Variants in RRP1 observed in about 807,000 individuals in gnomAD.
The protein encoded by RRP1 is ribosomal RNA processing 1.
In RRP1, 37 loss-of-function variants were observed where a neutral mutation model predicts 54.6. The ratio of observed to expected loss-of-function variants is 0.68; its 90% CI spans 0.52 to 0.89. RRP1 has a LOEUF of 0.89. RRP1 is among the 40% of genes least tolerant of loss of function. RRP1 has a pLI of 0.00. For missense variants in RRP1, 639 were observed against 612.5 expected (o/e 1.04, Z -0.46); for synonymous variants, 262 against 244.3 (o/e 1.07, Z -0.67).
Position 43,791,429 on chromosome 21 carries a change from C to T in RRP1, c.213C>T (p.Leu71=). 2 of 1,613,836 alleles carry T rather than the reference C, an allele frequency of 1.2e-6. No individual in the cohort carries two copies. The highest frequency in any genetic ancestry group is 2.2e-5 in the South Asian group (2 of 91,070). The change falls in exon 2 of 13, where the codon CTC becomes CTT. Residue 71 remains leucine, a synonymous_variant. Coordinates refer to ENST00000497547, the MANE Select transcript of RRP1 (RefSeq NM_003683.6). ...YCMWMQDKPL[L]QEELGRTISQ... ...TGTGGATGCAGGACAAGCCACTCCT[C>T]CAGGTGAGTGGGGGGAGCAGCAGAG...
chr21:43,790,656 C>G (rs1241137192), intron 1 of RRP1: 1 of 212,180 alleles, frequency 4.7e-6, no homozygotes, highest in Non-Finnish European at 9.7e-6. Flanking sequence ...GGCACGATTA[C>G]AGCTCACTGC....
Position 43,803,797 on chromosome 21 carries a change from AG to A in RRP1, c.*26del. The A allele has an allele frequency of 6.5e-7, 1 of 1,548,292 alleles. No individual in the cohort carries two copies. The highest frequency in any genetic ancestry group is 1.9e-5 in the Admixed American group (1 of 53,392). ...TGATGTGGCCGGGCCAAGGACAGGC[AG>A]GGAGGGAGGCCAGGCCTCGCTTGCA... is the stretch of plus-strand genomic sequence containing the variant. On this transcript the variant is annotated 3_prime_UTR_variant, in exon 13 of 13. Transcript: ENST00000497547.
intron 2 of RRP1, among the ~76,000 whole-genome samples, chr21:43,792,355 C>T (rs1373094127): frequency 2.0e-5 from 3 of 152,200 alleles, no homozygotes; most frequent in Non-Finnish European, 4.4e-5. Context: ...CTCCCACGTC[C>T]CTCTTTAACC....
chr21:43,797,385 C>T (rs373630108), intron 5 of RRP1, 37 bp from the exon 6 acceptor site: 32 of 1,584,644 alleles, frequency 2.0e-5, no homozygotes, highest in African/African-American at 1.2e-4. Context: ...TGGGGCTCAT[C>T]GAGGCTGCCT....
chr21:43,792,903 G>GT, intron 3 of RRP1, 174 bp downstream of exon 3: 2 of 648,400 alleles, frequency 3.1e-6, no homozygotes, highest in Non-Finnish European at 5.4e-6. Flanking sequence ...GCTGGTGTAA[G>GT]TATTCAACAT....
Position 43,803,498 on chromosome 21 carries a change from T to C in RRP1, c.1124-14T>C. The C allele has an allele frequency of 6.5e-7, 1 of 1,539,214 alleles. No homozygotes were observed. The highest frequency in any genetic ancestry group is 8.8e-7 in the Non-Finnish European group (1 of 1,137,906). ...TGGCATTCTCTGGCTCATGGGGTCT[T>C]GCTGTTTTGTCAGGGAAAGGTGAGA... On this transcript the variant is annotated splice_polypyrimidine_tract_variant and intron_variant, in intron 12 of 12. Coordinates refer to ENST00000497547, the MANE Select transcript of RRP1 (RefSeq NM_003683.6).
intron 3 of RRP1, chr21:43,793,007 C>T: frequency 1.8e-6 from 1 of 558,620 alleles, no homozygotes; most frequent in Non-Finnish European, 3.2e-6. Context: ...ATAATGTCAC[C>T]AAGAGATTGG....
chr21:43,801,139 C>T (rs1249289612), intron 11 of RRP1, among the ~76,000 whole-genome samples: 2 of 152,190 alleles, frequency 1.3e-5, no homozygotes, highest in Non-Finnish European at 2.9e-5. Flanking sequence ...GCCTCAGGGG[C>T]TCCCAAGCAC....
At chr21:43,798,184 A>C in intron 8 of RRP1, 84 bp downstream of exon 8, 1 of 1,194,688 alleles carries the variant, frequency 8.4e-7, no homozygotes, top group Non-Finnish European at 1.2e-6. Context: ...TGCTCCTGCC[A>C]CCTCCTACCT....
intron 12 of RRP1, among the ~76,000 whole-genome samples, chr21:43,802,814 C>T (rs558171330): frequency 6.6e-6 from 1 of 152,252 alleles, no homozygotes; most frequent in Non-Finnish European, 1.5e-5. Flanking sequence ...GGCTGCCTTC[C>T]GTGTTGGGCC....
chr21:43,793,170 A>G lies in RRP1; in HGVS notation c.275-149A>G, dbSNP rs2084978268. ...AATCCTCATGTCCAGATCCTGGTCC[A>G]GCAAGATCCAGTTCTGGGGGTAGGG... On this transcript the variant is annotated intron_variant, in intron 3 of 12. Transcript: ENST00000497547. 5 of 696,692 alleles carry G rather than the reference A, an allele frequency of 7.2e-6. No homozygotes were observed. In the Admixed American group the frequency reaches 1.2e-4, roughly 17 times the overall value. 43.2% of individuals were successfully genotyped at this position (696,692 alleles called of 1,614,324 possible).
chr21:43,797,328 T>C, intron 5 of RRP1, 94 bp from the exon 6 acceptor site: 1 of 1,506,092 alleles, frequency 6.6e-7, no homozygotes, highest in Non-Finnish European at 8.8e-7. Context: ...GCACTTAGGT[T>C]CCCATCAGAG....
At position 43,800,886 on chromosome 21, in the gene RRP1, G is replaced by A. The variant is rs1204557186; in HGVS notation, c.1009+5G>A. 3.7e-6 allele frequency: 6 copies of A among 1,613,594 alleles called. No individual in the cohort carries two copies. Among genetic ancestry groups the A allele is most frequent in the Non-Finnish European group, 5.1e-6 (6 of 1,180,030 alleles). On this transcript the variant is annotated splice_donor_5th_base_variant and intron_variant, in intron 11 of 12. Coordinates refer to ENST00000497547, the MANE Select transcript of RRP1 (RefSeq NM_003683.6). ...GGCTGCAGGACCTGGCAGGAGGTGA[G>A]GATCGGCCGGGCACTGACAGTGGCA... is the stretch of plus-strand genomic sequence containing the variant.
intron 5 of RRP1, 131 bp from the exon 6 acceptor site, chr21:43,797,291 C>T: frequency 1.4e-6 from 2 of 1,434,972 alleles, no homozygotes; most frequent in Non-Finnish European, 1.8e-6. Flanking sequence ...TTAAGGCTGG[C>T]ATGTTTGCAG....
Position 43,791,949 on chromosome 21 carries a change from C to T in RRP1, c.216+517C>T, listed in dbSNP as rs1601865979. Among the ~76,000 whole-genome samples the T allele has an allele frequency of 1.3e-5, 2 of 152,320 alleles. 1 individual carries two copies. Among genetic ancestry groups the T allele is most frequent in the East Asian group, 3.9e-4 (2 of 5,182 alleles). ...TTGATGTGATTGACTGAGCCGTGCA[C>T]TGCAGCAGCACTGGCATGGGTGAAA... On this transcript the variant is annotated intron_variant, in intron 2 of 12. Transcript: ENST00000497547.
chr21:43,802,471 T>TC (rs779705915), intron 12 of RRP1, 84 bp downstream of exon 12: 41 of 1,065,630 alleles, frequency 3.8e-5, no homozygotes, highest in South Asian at 3.7e-4. Flanking sequence ...CTGCAGTGTC[T>TC]CCCCCTGAAG....
rs2084937061 is a variant in RRP1, at chr21:43,789,730, A to G, written c.101A>G (p.Lys34Arg). The G allele has an allele frequency of 6.5e-7, 1 of 1,539,786 alleles. No homozygotes were observed. The highest frequency in any genetic ancestry group is 2.6e-5 in the East Asian group (1 of 38,864). The change falls in exon 1 of 13, where the codon AAA (lysine) becomes AGA (arginine). Residue 34 changes from lysine to arginine, a missense_variant. By Grantham distance (26) the Lys-to-Arg change is conservative. Transcript: ENST00000497547. ...TRDRAVRKLRKYIVARTQRAA... is the reference protein window; with the variant it reads ...TRDRAVRKLRRYIVARTQRAA... ...GACCGGGCGGTGAGGAAGCTCCGGA[A>G]ATACATCGTCGCCAGGACTCAGCGG...
intron 7 of RRP1, 32 bp from the exon 8 acceptor site, chr21:43,797,875 G>C: frequency 6.3e-7 from 1 of 1,599,746 alleles, no homozygotes; most frequent in Admixed American, 1.7e-5. Flanking sequence ...AGCATAACGG[G>C]CCTGCTCACC....
At chr21:43,799,794 G>A (rs751785127) in intron 9 of RRP1, 145 bp downstream of exon 9, 2 of 772,966 alleles carry the variant, frequency 2.6e-6, no homozygotes, top group Admixed American at 4.4e-5. Flanking sequence ...CTTTGAAGGA[G>A]GGATGGGTGC....
Sources: allele counts gnomAD v4.1 joint callset (sites outside exome capture counted in the v4.1 genomes callset), GRCh38; gene constraint gnomAD v4.1.1; transcripts MANE v1.5; gene names NCBI Gene and HGNC (gene_info 2026-07-23, HGNC 2026-07-21).